Variants in NTRK2 observed in about 807,000 individuals in gnomAD.
The protein encoded by NTRK2 is BDNF/NT-3 growth factors receptor.
In NTRK2, 13 loss-of-function variants were observed where a neutral mutation model predicts 94.5. The observed-to-expected ratio is 0.14, with a 90% confidence interval of 0.09 to 0.22. The LOEUF (loss-of-function observed/expected upper bound fraction) is 0.22, where lower values mean the gene tolerates loss of function less well. Among genes scored for constraint, NTRK2 ranks in the 10% least tolerant of loss-of-function variants. The probability of loss-of-function intolerance (pLI) is 1.00; values close to 1 mark genes in which losing one functional copy is unlikely to be tolerated. For missense variants in NTRK2, 639 were observed against 1,071.2 expected (o/e 0.60, Z 5.63); for synonymous variants, 372 against 407.4 (o/e 0.91, Z 1.05).
chr9:85,000,282 A>T (rs1056674340), intron 17 of NTRK2, among the ~76,000 whole-genome samples: 2 of 151,998 alleles, frequency 1.3e-5, no homozygotes, highest in Admixed American at 1.3e-4. Flanking sequence ...ATTAAGGTTC[A>T]CTCTTGATGT....
intron 17 of NTRK2, among the ~76,000 whole-genome samples, chr9:84,988,685 T>A (rs1407302972): frequency 1.3e-5 from 2 of 152,216 alleles, no homozygotes; most frequent in African/African-American, 4.8e-5. Context: ...TAGGTTATCA[T>A]GAGGGTGAAA....
intron 17 of NTRK2, among the ~76,000 whole-genome samples, chr9:84,983,633 A>C (rs1014246636): frequency 2.6e-5 from 4 of 152,154 alleles, no homozygotes; most frequent in African/African-American, 9.7e-5. Context: ...GAGCTGTGGG[A>C]GCCTTGATCC....
At chr9:84,862,759 A>C (rs1204145147) in intron 13 of NTRK2, among the ~76,000 whole-genome samples, 1 of 152,164 alleles carries the variant, frequency 6.6e-6, no homozygotes, top group Admixed American at 6.5e-5. Flanking sequence ...AGAGGAGGGA[A>C]GGGAGAACTT....
chr9:84,810,394 T>C, intron 12 of NTRK2: 1 of 760,188 alleles, frequency 1.3e-6, no homozygotes, highest in Non-Finnish European at 2.2e-6. Flanking sequence ...TATTATATAT[T>C]GCTCTATGGT....
At chr9:84,967,256 C>T (rs1331388722) in intron 17 of NTRK2, among the ~76,000 whole-genome samples, 1 of 152,186 alleles carries the variant, frequency 6.6e-6, no homozygotes, top group Non-Finnish European at 1.5e-5. Context: ...ACAGAGCACA[C>T]CACCGCCCCT....
intron 12 of NTRK2, among the ~76,000 whole-genome samples, chr9:84,798,596 T>G (rs1269674763): frequency 6.6e-6 from 1 of 152,182 alleles, no homozygotes. Flanking sequence ...TGATATTGAC[T>G]GAAGAAAATG....
intron 16 of NTRK2, among the ~76,000 whole-genome samples, chr9:84,955,001 C>T (rs1201576791): frequency 2.0e-5 from 3 of 152,230 alleles, no homozygotes; most frequent in Non-Finnish European, 4.4e-5. Flanking sequence ...GTCAACCTGT[C>T]TGTACACTGG....
At chr9:84,760,018 G>A (rs1005972839) in intron 12 of NTRK2, among the ~76,000 whole-genome samples, 4 of 152,270 alleles carry the variant, frequency 2.6e-5, no homozygotes, top group East Asian at 3.9e-4. Context: ...GAATTGTCAC[G>A]TGGCACTTCA....
At chr9:84,680,953 C>G (rs1213634723) in intron 2 of NTRK2, among the ~76,000 whole-genome samples, 1 of 152,154 alleles carries the variant, frequency 6.6e-6, no homozygotes, top group African/African-American at 2.4e-5. Context: ...TGTTTTCCCT[C>G]TATCTCTCTG....
chr9:84,923,855 G>C (rs889098851), intron 14 of NTRK2, among the ~76,000 whole-genome samples: 2 of 151,658 alleles, frequency 1.3e-5, no homozygotes, highest in Non-Finnish European at 2.9e-5. Context: ...AACTGAGATC[G>C]CGCCACTGCA....
intron 12 of NTRK2, among the ~76,000 whole-genome samples, chr9:84,782,360 G>A (rs1374511370): frequency 6.6e-6 from 1 of 152,180 alleles, no homozygotes; most frequent in African/African-American, 2.4e-5. Flanking sequence ...CAAAAGTGAA[G>A]TATGAGGCTG....
chr9:84,675,713 A>G (rs1034442290), intron 2 of NTRK2, among the ~76,000 whole-genome samples: 1 of 152,172 alleles, frequency 6.6e-6, no homozygotes, highest in Non-Finnish European at 1.5e-5. Context: ...TGGATTATTT[A>G]TGGTTGATCA....
At chr9:84,713,804 A>AT (rs1474972717) in intron 6 of NTRK2, among the ~76,000 whole-genome samples, 1 of 147,020 alleles carries the variant, frequency 6.8e-6, no homozygotes, top group Non-Finnish European at 1.5e-5. Flanking sequence ...TGCTTTTTAT[A>AT]TTTTTTCCCC....
intron 14 of NTRK2, among the ~76,000 whole-genome samples, chr9:84,888,970 T>C (rs532318940): frequency 1.4e-5 from 2 of 145,512 alleles, no homozygotes; most frequent in South Asian, 2.2e-4. Flanking sequence ...CCATTATTTA[T>C]TAATGACAGA....
chr9:84,721,853 T>C (rs1197694589), intron 6 of NTRK2, among the ~76,000 whole-genome samples: 1 of 152,192 alleles, frequency 6.6e-6, no homozygotes, highest in East Asian at 1.9e-4. Flanking sequence ...TGACTAAATA[T>C]TTGATTTTTG....
At chr9:84,909,393 A>C (rs1405263577) in intron 14 of NTRK2, among the ~76,000 whole-genome samples, 1 of 152,008 alleles carries the variant, frequency 6.6e-6, no homozygotes, top group East Asian at 1.9e-4. Context: ...ATTTGCATAC[A>C]TTGTGTGAAC....
intron 12 of NTRK2, among the ~76,000 whole-genome samples, chr9:84,782,981 C>G (rs1340900436): frequency 6.6e-6 from 1 of 152,144 alleles, no homozygotes; most frequent in African/African-American, 2.4e-5. Flanking sequence ...TACAATACTT[C>G]TCACATATGA....
chr9:84,971,357 T>A (rs1378518100), intron 17 of NTRK2, among the ~76,000 whole-genome samples: 1 of 152,118 alleles, frequency 6.6e-6, no homozygotes, highest in Admixed American at 6.6e-5. Context: ...AAACACATAT[T>A]GAACAAGACC....
intron 12 of NTRK2, among the ~76,000 whole-genome samples, chr9:84,856,951 A>G (rs541074459): frequency 6.6e-6 from 1 of 152,134 alleles, no homozygotes; most frequent in Non-Finnish European, 1.5e-5. Flanking sequence ...CTCATATTTA[A>G]TGTTTGCTCA....
Sources: gnomAD v4.1 joint callset for allele counts (sites outside exome capture counted in the v4.1 genomes callset) on GRCh38, gnomAD v4.1.1 for gene constraint, MANE v1.5 for transcripts, NCBI Gene and HGNC (gene_info 2026-07-23, HGNC 2026-07-21) for gene names.